Variants in P2RX3 observed in about 807,000 individuals in gnomAD.
P2RX3 encodes purinergic receptor P2X 3.
P2RX3 carries 41 observed loss-of-function variants against 51.5 expected under a neutral mutation model. The ratio of observed to expected loss-of-function variants is 0.80; its 90% CI spans 0.62 to 1.03. The LOEUF is 1.03. Among genes scored for constraint, P2RX3 ranks in the 50% least tolerant of loss-of-function variants. P2RX3 has a pLI of 0.00. For missense variants in P2RX3, 459 were observed against 522.1 expected (o/e 0.88, Z 1.18); for synonymous variants, 185 against 191.6 (o/e 0.97, Z 0.29).
chr11:57,338,559 C>T lies in P2RX3; in HGVS notation c.9C>T (p.Cys3=). The change falls in exon 1 of 12, where the codon TGC becomes TGT. Residue 3 remains cysteine (C), a synonymous_variant. Coordinates refer to ENST00000263314, the MANE Select transcript of P2RX3 (RefSeq NM_002559.5). Reference sequence around the variant, plus strand: ...CTGAGCACTCTCTCAGCATGAACTGCATATCCGACTTCTTCACCTATGAGA... The same window carrying T: ...CTGAGCACTCTCTCAGCATGAACTGTATATCCGACTTCTTCACCTATGAGA... The part of the protein sequence containing the change: MN[C]ISDFFTYETT... 6.3e-7 allele frequency: 1 copy of T among 1,585,644 alleles called. No individual in the cohort carries two copies. The highest frequency in any genetic ancestry group is 1.1e-5 in the South Asian group (1 of 89,790).
In P2RX3 at chr11:57,360,086, G is replaced by A. The variant is rs560599186; in HGVS notation, c.843-7923G>A. Reference sequence around the variant, plus strand: ...TATCTCATTTCAAAGTGCGTAAGCCGCCAGCTAACTCATTCAGCTGTTGTG... The same window carrying A: ...TATCTCATTTCAAAGTGCGTAAGCCACCAGCTAACTCATTCAGCTGTTGTG... On this transcript the variant is annotated intron_variant, in intron 8 of 11. Transcript: ENST00000263314. Among the ~76,000 whole-genome samples, 5 of 152,346 alleles carry A rather than the reference G, an allele frequency of 3.3e-5. No individual in the cohort carries two copies. In the South Asian group the frequency reaches 6.2e-4, roughly 19 times the overall value.
At chr11:57,363,310 G>A (rs971710856) in intron 8 of P2RX3, among the ~76,000 whole-genome samples, 8 of 152,312 alleles carry the variant, frequency 5.3e-5, no homozygotes, top group African/African-American at 1.9e-4. Context: ...GTCAGGGTTA[G>A]CATTGCTAGT....
chr11:57,338,763 G>C, intron 1 of P2RX3, 94 bp downstream of exon 1: 1 of 777,884 alleles, frequency 1.3e-6, no homozygotes, highest in Non-Finnish European at 2.2e-6. Flanking sequence ...AGCTTCCTGA[G>C]CTCCTCTGCT....
At chr11:57,367,896 C>T (rs898133057) in intron 8 of P2RX3, 113 bp from the exon 9 acceptor site, 13 of 773,262 alleles carry the variant, frequency 1.7e-5, no homozygotes, top group South Asian at 6.5e-5. Context: ...CTCAGCAAAC[C>T]GTAAGTAAGG....
chr11:57,349,651 AG>A (rs1180882947), intron 6 of P2RX3, 105 bp from the exon 7 acceptor site: 3 of 1,401,888 alleles, frequency 2.1e-6, no homozygotes, highest in Middle Eastern at 3.6e-4. Flanking sequence ...ATGAAGGCTG[AG>A]GGCTCAGATC....
At chr11:57,345,009 C>T (rs1856406519) in intron 1 of P2RX3, among the ~76,000 whole-genome samples, 1 of 152,208 alleles carries the variant, frequency 6.6e-6, no homozygotes, top group African/African-American at 2.4e-5. Flanking sequence ...TCTCAGCACA[C>T]CTGCCAGGTG....
rs773886656 is a variant in P2RX3 at position 57,346,575 on chromosome 11, G to A, written c.151G>A (p.Val51Ile). 8 of 1,614,022 alleles carry A rather than the reference G, an allele frequency of 5.0e-6. No homozygotes were observed. In the East Asian group the frequency reaches 1.8e-4, roughly 36 times the overall value. The change falls in exon 2 of 12, where the codon GTA (valine) becomes ATA (isoleucine). Residue 51 changes from valine (V) to isoleucine (I), a missense_variant. Val to Ile is a conservative substitution (Grantham distance 29). Coordinates refer to ENST00000263314, the MANE Select transcript of P2RX3 (RefSeq NM_002559.5). ...WVFLHEKAYQ[V>I]RDTAIESSVV... Reference sequence around the variant, plus strand: ...TTTCTTGCACGAGAAGGCTTACCAGGTACGGGACACAGCCATTGAGTCCTC... The same window carrying A: ...TTTCTTGCACGAGAAGGCTTACCAGATACGGGACACAGCCATTGAGTCCTC...
upstream of P2RX3, chr11:57,338,282 C>T: frequency 3.6e-6 from 1 of 280,994 alleles, no homozygotes; most frequent in Non-Finnish European, 6.8e-6. Flanking sequence ...TTGGAGACCC[C>T]ACCCCTGCTG....
In P2RX3 at chr11:57,371,418, C is replaced by T. The variant is rs75472414; in HGVS notation, c.*1421C>T. Among the ~76,000 whole-genome samples, 8,706 of 152,324 alleles carry T rather than the reference C, an allele frequency of 0.057. 847 individuals are homozygous for T. The highest frequency in any genetic ancestry group is 0.2 in the African/African-American group (8,254 of 41,554). ...TCATGATAAATCTGCATCTGGCAGTCAGAGTGGGCATGATCATGAGGTCTT... is the reference window on the plus strand; with the variant it reads ...TCATGATAAATCTGCATCTGGCAGTTAGAGTGGGCATGATCATGAGGTCTT... On this transcript the variant is annotated 3_prime_UTR_variant, in exon 12 of 12. Coordinates refer to ENST00000263314, the MANE Select transcript of P2RX3 (RefSeq NM_002559.5).
At chr11:57,351,035 G>A (rs1856539715) in intron 8 of P2RX3, 137 bp downstream of exon 8, 5 of 1,269,636 alleles carry the variant, frequency 3.9e-6, no homozygotes, top group Middle Eastern at 2.0e-4. Flanking sequence ...TTTCAAATCA[G>A]GAAGGACTCT....
upstream of P2RX3, among the ~76,000 whole-genome samples, chr11:57,337,271 G>T (rs1355344790): frequency 8.4e-6 from 1 of 119,532 alleles, no homozygotes; most frequent in East Asian, 2.7e-4. Context: ...CAGCCCGGGT[G>T]ACAGAGCGAG....
intron 6 of P2RX3, 132 bp from the exon 7 acceptor site, chr11:57,349,625 A>G: frequency 9.8e-7 from 1 of 1,024,696 alleles, no homozygotes; most frequent in Non-Finnish European, 1.4e-6. Context: ...GAGGGGAGGG[A>G]GATGGCGAGG....
At chr11:57,366,335 G>A (rs1433622022) in intron 8 of P2RX3, among the ~76,000 whole-genome samples, 1 of 152,144 alleles carries the variant, frequency 6.6e-6, no homozygotes, top group South Asian at 2.1e-4. Context: ...ACAAAATGGG[G>A]GTCTGAACAC....
At position 57,349,757 on chromosome 11, in the gene P2RX3, G is replaced by C. The variant is rs1856509311; in HGVS notation, c.564G>C (p.Lys188Asn). 6 of 1,614,068 alleles carry C rather than the reference G, an allele frequency of 3.7e-6. No homozygotes were observed. The highest frequency in any genetic ancestry group is 4.2e-6 in the Non-Finnish European group (5 of 1,179,996). The change falls in exon 7 of 12, where the codon AAG becomes AAC. Residue 188 changes from lysine (K) to asparagine (N), a missense_variant and splice_region_variant. Physicochemically the swap from Lys to Asn is moderately conservative, Grantham distance 94 (BLOSUM62 0). Transcript: ENST00000263314. ...SIRFPLFNFE[K>N]GNLLPNLTAR... ...GACCTCTCTCTCTGCTCCTCCCCAG[G>C]GGAAACCTCCTTCCCAACCTGACAG...
At chr11:57,349,579 G>A (rs1466639327) in intron 6 of P2RX3, among the ~76,000 whole-genome samples, 178 bp from the exon 7 acceptor site, 1 of 152,186 alleles carries the variant, frequency 6.6e-6, no homozygotes, top group Non-Finnish European at 1.5e-5. Context: ...CAGGGAAGGC[G>A]GTGATGGGGC....
In P2RX3 at chr11:57,349,420, C is replaced by T. The variant is rs183442814; in HGVS notation, c.564-337C>T. ...GGCAGAGGTTGCAGTGAGCCGAGAT[C>T]ATGCCACCGCGCTCCAGCCTGGGCA... is the stretch of plus-strand genomic sequence containing the variant. On this transcript the variant is annotated intron_variant, in intron 6 of 11. Coordinates refer to ENST00000263314, the MANE Select transcript of P2RX3 (RefSeq NM_002559.5). 5.4e-4 allele frequency among the ~76,000 whole-genome samples: 82 copies of T among 151,806 alleles called. 1 individual carries two copies. The East Asian group carries it at 0.016, about 29-fold the overall frequency.
At chr11:57,351,636 T>A (rs991929084) in intron 8 of P2RX3, among the ~76,000 whole-genome samples, 2 of 152,248 alleles carry the variant, frequency 1.3e-5, no homozygotes, top group African/African-American at 4.8e-5. Flanking sequence ...ACCACTGTGA[T>A]CTTCAGGATT....
At chr11:57,368,307 A>G in intron 9 of P2RX3, 65 bp from the exon 10 acceptor site, 1 of 1,565,044 alleles carries the variant, frequency 6.4e-7, no homozygotes, top group Admixed American at 1.7e-5. Flanking sequence ...CGCCACGTGC[A>G]GCCTCGGGCC....
intron 7 of P2RX3, chr11:57,350,500 T>G: frequency 2.6e-6 from 1 of 390,420 alleles, no homozygotes; most frequent in South Asian, 3.1e-5. Context: ...GCCAGGATGG[T>G]CTCGATCTCC....
Sources: allele counts gnomAD v4.1 joint callset (sites outside exome capture counted in the v4.1 genomes callset), GRCh38; gene constraint gnomAD v4.1.1; transcripts MANE v1.5; gene names NCBI Gene and HGNC (gene_info 2026-07-23, HGNC 2026-07-21).